Variants in ECE1 observed in about 807,000 individuals in gnomAD.
The protein encoded by ECE1 is endothelin converting enzyme 1.
ECE1 carries 35 observed loss-of-function variants against 98.6 expected under a neutral mutation model. The ratio of observed to expected loss-of-function variants is 0.35; its 90% CI spans 0.27 to 0.47. The LOEUF is 0.47. Among genes scored for constraint, ECE1 ranks in the 20% least tolerant of loss-of-function variants. ECE1 has a pLI of 1.00. For synonymous variants in ECE1, 394 were observed against 407.1 expected (o/e 0.97, Z 0.39); for missense variants, 814 against 1,025.3 (o/e 0.79, Z 2.81).
At position 21,260,433 on chromosome 1, in the gene ECE1, T is replaced by C. The variant is rs1306135247; in HGVS notation, c.494-41A>G. ...GTGGAGTTTGCAATGCGGCCCCACT[T>C]GCCCACTGGGTGGCTTTGGGGCAGT... On this transcript the variant is annotated intron_variant, in intron 4 of 18. Coordinates refer to ENST00000374893, the MANE Select transcript of ECE1 (RefSeq NM_001397.3). The surrounding 1 kb of genome is among the most constrained non-coding windows in gnomAD (Gnocchi z 4.3). The C allele has an allele frequency of 1.2e-6, 2 of 1,613,254 alleles. No individual in the cohort carries two copies. Among genetic ancestry groups the C allele is most frequent in the African/African-American group, 2.7e-5 (2 of 74,932 alleles).
chr1:21,279,707 C>T (rs2098252174), intron 2 of ECE1: 1 of 1,352,478 alleles, frequency 7.4e-7, no homozygotes. Flanking sequence ...GGGCTCTCTG[C>T]AGAGCCCCCA....
rs1456134613 is a variant in ECE1, at chr1:21,319,822, ACG to A, written c.3+25552_3+25553del. Reference sequence around the variant, plus strand: ...CAGCTGAGACAGGCTGAACAAACACACGCGGTCCCATGGCTTCTAGTGCCAGC... The same window carrying A: ...CAGCTGAGACAGGCTGAACAAACACACGGTCCCATGGCTTCTAGTGCCAGC... On this transcript the variant is annotated intron_variant, in intron 1 of 18. Transcript: ENST00000415912. The surrounding 1 kb of genome is among the most constrained non-coding windows in gnomAD (Gnocchi z 4.4). Among the ~76,000 whole-genome samples, 1 of 152,198 alleles carries A rather than the reference ACG, an allele frequency of 6.6e-6. No individual in the cohort carries two copies. Among genetic ancestry groups the A allele is most frequent in the Non-Finnish European group, 1.5e-5 (1 of 68,024 alleles).
At chr1:21,276,970 G>A (rs757149130) in intron 3 of ECE1, among the ~76,000 whole-genome samples, 10 of 152,100 alleles carry the variant, frequency 6.6e-5, no homozygotes, top group Non-Finnish European at 1.0e-4. Context: ...TGTCCATCTC[G>A]GCCTCCCAAA....
At chr1:21,290,784 G>C (rs1402655338), upstream of ECE1, among the ~76,000 whole-genome samples, 1 of 152,196 alleles carries the variant, frequency 6.6e-6, no homozygotes, top group Non-Finnish European at 1.5e-5. This position sits in a 1 kb window ranked among gnomAD's most constrained non-coding sequence, Gnocchi z 7.3. Context: ...GGTTCCCCCC[G>C]GCATCAGCCC....
At chr1:21,228,062 G>A (rs182680239) in intron 14 of ECE1, 21 bp from the exon 15 acceptor site, 2 of 1,546,530 alleles carry the variant, frequency 1.3e-6, no homozygotes, top group East Asian at 4.9e-5. Flanking sequence ...CACACATGCA[G>A]GAGGTCTCAG....
At position 21,219,551 on chromosome 1, in the gene ECE1, T is replaced by G; in HGVS notation, c.*404A>C. 5.1e-6 allele frequency: 1 copy of G among 194,816 alleles called. No individual in the cohort carries two copies. The highest frequency in any genetic ancestry group is 1.1e-5 in the Non-Finnish European group (1 of 92,660). The allele number at this position is 194,816 out of a possible 1,614,324, so 12.1% of individuals were successfully genotyped here. ...CCAATTCTTTCCTTAAAAAAAAAAG[T>G]GTTTAAATGTGTTTTTCCCTGAAGA... On this transcript the variant is annotated 3_prime_UTR_variant, in exon 19 of 19. Coordinates refer to ENST00000374893, the MANE Select transcript of ECE1 (RefSeq NM_001397.3). The surrounding 1 kb of genome is among the most constrained non-coding windows in gnomAD (Gnocchi z 4.5).
intron 1 of ECE1, among the ~76,000 whole-genome samples, chr1:21,316,017 C>A (rs1249928562): frequency 6.6e-6 from 1 of 152,186 alleles, no homozygotes; most frequent in Admixed American, 6.5e-5. Flanking sequence ...CTCACAGTGA[C>A]TGAGTGCGGC....
chr1:21,314,241 G>A (rs1430999903), intron 1 of ECE1, among the ~76,000 whole-genome samples: 1 of 152,180 alleles, frequency 6.6e-6, no homozygotes, highest in African/African-American at 2.4e-5. Flanking sequence ...CAGGCATTAT[G>A]GGAGCCTGCA....
chr1:21,328,535 G>A (rs1320203504), intron 1 of ECE1, among the ~76,000 whole-genome samples: 1 of 152,186 alleles, frequency 6.6e-6, no homozygotes, highest in African/African-American at 2.4e-5. Flanking sequence ...GCCGAGGTGG[G>A]TGGATCACCT....
rs1423595962 is a variant in ECE1 at position 21,343,626 on chromosome 1, G to A, written c.3+1750C>T. On this transcript the variant is annotated intron_variant, in intron 1 of 18. Coordinates refer to the ECE1 transcript ENST00000415912. ...AGTGTTATCATCTCATCTTGCAGAT[G>A]AGGAAACTGAAACTCAAGGGTGATG... Among the ~76,000 whole-genome samples, 4 of 152,226 alleles carry A rather than the reference G, an allele frequency of 2.6e-5. No homozygotes were observed. In the East Asian group the frequency reaches 7.7e-4, roughly 29 times the overall value.
rs554528287 is a variant in ECE1 at position 21,340,521 on chromosome 1, G to A, written c.3+4855C>T. On this transcript the variant is annotated intron_variant, in intron 1 of 18. Transcript: ENST00000415912. The surrounding 1 kb of genome is among the most constrained non-coding windows in gnomAD (Gnocchi z 4.6). Reference sequence around the variant, plus strand: ...TGTGACCATCTCAGAATGCAAATCCGACCGTGTCACTCCCCTGACTCTAAA... The same window carrying A: ...TGTGACCATCTCAGAATGCAAATCCAACCGTGTCACTCCCCTGACTCTAAA... 2.0e-5 allele frequency among the ~76,000 whole-genome samples: 3 copies of A among 152,310 alleles called. No individual in the cohort carries two copies. Among genetic ancestry groups the A allele is most frequent in the Admixed American group, 6.5e-5 (1 of 15,300 alleles).
At position 21,260,544 on chromosome 1, in the gene ECE1, G is replaced by T; in HGVS notation, c.494-152C>A. 1 of 1,025,122 alleles carries T rather than the reference G, an allele frequency of 9.8e-7. No homozygotes were observed. The highest frequency in any genetic ancestry group is 1.5e-6 in the Non-Finnish European group (1 of 668,730). The allele number at this position is 1,025,122 out of a possible 1,614,324, so 63.5% of individuals were successfully genotyped here. The stretch of plus-strand genomic sequence containing the variant: ...AGTGGCAGTGAGGAATGCCGTCACC[G>T]TGAGTATGTGAGGGCCCCTGGACAG... On this transcript the variant is annotated intron_variant, in intron 4 of 18. Coordinates refer to ENST00000374893, the MANE Select transcript of ECE1 (RefSeq NM_001397.3). This position sits in a 1 kb window ranked among gnomAD's most constrained non-coding sequence, Gnocchi z 4.3.
chr1:21,344,175 G>C (rs1036887928), intron 1 of ECE1, among the ~76,000 whole-genome samples: 1 of 152,134 alleles, frequency 6.6e-6, no homozygotes, highest in Admixed American at 6.5e-5. Flanking sequence ...GGGAGAGATG[G>C]GGGGGCGGGT....
In ECE1 at chr1:21,219,209, T is replaced by A. The variant is rs2098164377; in HGVS notation, c.*746A>T. On this transcript the variant is annotated 3_prime_UTR_variant, in exon 19 of 19. Transcript: ENST00000374893. This position sits in a 1 kb window ranked among gnomAD's most constrained non-coding sequence, Gnocchi z 4.5. Reference sequence around the variant, plus strand: ...GGGATCAGAACTTCCCAGCTAGGGCTCCCACTGTTGGACTCAGGGGACGGA... The same window carrying A: ...GGGATCAGAACTTCCCAGCTAGGGCACCCACTGTTGGACTCAGGGGACGGA... The A allele has an allele frequency of 6.6e-6, 1 of 152,500 alleles. No individual in the cohort carries two copies. The highest frequency in any genetic ancestry group is 1.5e-5 in the Non-Finnish European group (1 of 68,266). 9.4% of individuals were successfully genotyped at this position (152,500 alleles called of 1,614,324 possible).
intron 2 of ECE1, 104 bp from the exon 3 acceptor site, chr1:21,279,436 A>T (rs764012369): frequency 8.2e-6 from 13 of 1,588,758 alleles, no homozygotes; most frequent in Non-Finnish European, 1.1e-5. Flanking sequence ...GAGAGGCATC[A>T]GGGCTGCCTC....
In ECE1 at chr1:21,322,176, A is replaced by C. The variant is rs2103403394; in HGVS notation, c.3+23200T>G. 6.6e-6 allele frequency among the ~76,000 whole-genome samples: 1 copy of C among 152,304 alleles called. No individual in the cohort carries two copies. The highest frequency in any genetic ancestry group is 2.4e-5 in the African/African-American group (1 of 41,554). On this transcript the variant is annotated intron_variant, in intron 1 of 18. Transcript: ENST00000415912. The surrounding 1 kb of genome is among the most constrained non-coding windows in gnomAD (Gnocchi z 4.1). ...TTATATGCCCCTTTTACAGATGAAGAAACAGGGGCTCAGAAAGAAGTGGCA... is the reference window on the plus strand; with the variant it reads ...TTATATGCCCCTTTTACAGATGAAGCAACAGGGGCTCAGAAAGAAGTGGCA...
chr1:21,252,318 T>C (rs1012396489), intron 8 of ECE1, among the ~76,000 whole-genome samples: 5 of 152,236 alleles, frequency 3.3e-5, no homozygotes, highest in African/African-American at 1.2e-4. Context: ...CACATGTGCC[T>C]AGCTCCATCT....
At chr1:21,330,792 C>T (rs1639184146) in intron 1 of ECE1, among the ~76,000 whole-genome samples, 1 of 152,186 alleles carries the variant, frequency 6.6e-6, no homozygotes, top group African/African-American at 2.4e-5. Context: ...ACACCCCCTT[C>T]CTTGAAGGTC....
intron 1 of ECE1, chr1:21,298,894 A>G: frequency 2.2e-6 from 1 of 456,190 alleles, no homozygotes; most frequent in Non-Finnish European, 4.4e-6. Context: ...GATCTTCTCC[A>G]AGCACAAACT....
Sources: gnomAD v4.1 joint callset for allele counts (sites outside exome capture counted in the v4.1 genomes callset) on GRCh38, gnomAD v4.1.1 for gene constraint, Gnocchi (gnomAD v3.1) non-coding constraint, MANE v1.5 for transcripts, NCBI Gene and HGNC (gene_info 2026-07-23, HGNC 2026-07-21) for gene names.